Variants in ERBB4 observed in about 807,000 individuals in gnomAD.
ERBB4 encodes erb-b2 receptor tyrosine kinase 4.
In ERBB4, 42 loss-of-function variants were observed where a neutral mutation model predicts 158.0. The ratio of observed to expected loss-of-function variants is 0.27; its 90% CI spans 0.21 to 0.34. The LOEUF is 0.34. ERBB4 is among the 10% of genes least tolerant of loss of function. The probability of loss-of-function intolerance (pLI) is 1.00; values close to 1 mark genes in which losing one functional copy is unlikely to be tolerated. For synonymous variants in ERBB4, 583 were observed against 558.7 expected (o/e 1.04, Z -0.61); for missense variants, 1,333 against 1,624.1 (o/e 0.82, Z 3.08).
At chr2:212,137,482 C>T (rs1042208098) in intron 1 of ERBB4, among the ~76,000 whole-genome samples, 2 of 152,142 alleles carry the variant, frequency 1.3e-5, no homozygotes, top group African/African-American at 4.8e-5. Flanking sequence ...CCAGCTTCAT[C>T]CATGTCTCTG....
chr2:211,663,766 A>T (rs1046556086), intron 15 of ERBB4, among the ~76,000 whole-genome samples: 7 of 152,210 alleles, frequency 4.6e-5, no homozygotes, highest in Admixed American at 2.0e-4. Context: ...GTTGACATCA[A>T]CATTATATTG....
intron 3 of ERBB4, among the ~76,000 whole-genome samples, chr2:211,932,933 A>T (rs2080215922): frequency 6.6e-6 from 1 of 152,072 alleles, no homozygotes; most frequent in Non-Finnish European, 1.5e-5. Flanking sequence ...CAAAAGTAAC[A>T]GAAGTCACTG....
At chr2:211,548,408 G>A (rs1258305344) in intron 20 of ERBB4, among the ~76,000 whole-genome samples, 1 of 151,084 alleles carries the variant, frequency 6.6e-6, no homozygotes, top group Non-Finnish European at 1.5e-5. Context: ...AAGTAAGCTA[G>A]CCAATTCAAA....
chr2:212,175,016 T>C (rs2081619158), intron 1 of ERBB4, among the ~76,000 whole-genome samples: 1 of 152,094 alleles, frequency 6.6e-6, no homozygotes, highest in Non-Finnish European at 1.5e-5. Flanking sequence ...TTTGCCTATA[T>C]GGCTTTTCCT....
At chr2:211,551,618 T>C (rs1210904678) in intron 20 of ERBB4, among the ~76,000 whole-genome samples, 2 of 152,200 alleles carry the variant, frequency 1.3e-5, no homozygotes, top group Admixed American at 6.5e-5. Flanking sequence ...TTTTCTATGA[T>C]GTTAGTAGGG....
At chr2:212,085,012 G>A (rs1048354376) in intron 2 of ERBB4, among the ~76,000 whole-genome samples, 1 of 151,812 alleles carries the variant, frequency 6.6e-6, no homozygotes, top group Non-Finnish European at 1.5e-5. Flanking sequence ...TGCTGTGCAG[G>A]TCAGTAGATT....
intron 1 of ERBB4, among the ~76,000 whole-genome samples, chr2:212,216,153 T>C (rs1482400119): frequency 6.6e-6 from 1 of 151,378 alleles, no homozygotes; most frequent in African/African-American, 2.4e-5. Flanking sequence ...TCGATAGATA[T>C]AGCAATGAGC....
intron 1 of ERBB4, among the ~76,000 whole-genome samples, chr2:212,385,835 A>G (rs1375282922): frequency 6.6e-6 from 1 of 151,930 alleles, no homozygotes; most frequent in Non-Finnish European, 1.5e-5. Flanking sequence ...TTATATATTG[A>G]ACATTTTTAT....
intron 1 of ERBB4, among the ~76,000 whole-genome samples, chr2:212,379,799 C>CTG (rs1491229684): frequency 6.0e-5 from 9 of 150,378 alleles, no homozygotes; most frequent in African/African-American, 9.7e-5. Context: ...TCTCTCTCTC[C>CTG]TCTGTGTGTG....
chr2:212,443,523 G>A (rs900016568), intron 1 of ERBB4, among the ~76,000 whole-genome samples: 1 of 152,176 alleles, frequency 6.6e-6, no homozygotes, highest in Non-Finnish European at 1.5e-5. Context: ...CACCTGGTAG[G>A]CCTATATGGA....
At chr2:211,855,079 C>G (rs199532836) in intron 3 of ERBB4, among the ~76,000 whole-genome samples, 1 of 94,072 alleles carries the variant, frequency 1.1e-5, no homozygotes, top group African/African-American at 3.9e-5. Context: ...CTTTAATTTG[C>G]TTTTTTTTCT....
chr2:212,055,499 C>G (rs1396384983), intron 2 of ERBB4, among the ~76,000 whole-genome samples: 1 of 152,228 alleles, frequency 6.6e-6, no homozygotes, highest in Non-Finnish European at 1.5e-5. Flanking sequence ...GTACCTGACC[C>G]CCGAGTAGCC....
intron 3 of ERBB4, among the ~76,000 whole-genome samples, chr2:211,941,309 A>G (rs1349102802): frequency 6.6e-6 from 1 of 150,854 alleles, no homozygotes; most frequent in African/African-American, 2.4e-5. Flanking sequence ...TAGATCTTCT[A>G]ATGTAAATGT....
intron 11 of ERBB4, among the ~76,000 whole-genome samples, chr2:211,702,889 C>G (rs1379525704): frequency 6.6e-6 from 1 of 152,004 alleles, no homozygotes; most frequent in Non-Finnish European, 1.5e-5. Flanking sequence ...ATCGAGGAAA[C>G]TACTTTTATT....
intron 3 of ERBB4, among the ~76,000 whole-genome samples, chr2:211,884,919 C>G (rs988605795): frequency 2.0e-5 from 3 of 152,060 alleles, no homozygotes; most frequent in Admixed American, 1.3e-4. Context: ...TAGTATTACT[C>G]TATTCTCTTT....
chr2:212,445,601 G>A (rs1292741186), intron 1 of ERBB4, among the ~76,000 whole-genome samples: 2 of 152,182 alleles, frequency 1.3e-5, no homozygotes, highest in Non-Finnish European at 1.5e-5. Flanking sequence ...CCATAATGGA[G>A]GTAAGGAAGC....
At chr2:211,990,339 T>C (rs2082039601) in intron 2 of ERBB4, among the ~76,000 whole-genome samples, 1 of 151,948 alleles carries the variant, frequency 6.6e-6, no homozygotes. Context: ...TGTACTTGTG[T>C]ATATTGTAGG....
chr2:212,159,684 A>G (rs909433044), intron 1 of ERBB4, among the ~76,000 whole-genome samples: 1 of 151,934 alleles, frequency 6.6e-6, no homozygotes, highest in Non-Finnish European at 1.5e-5. Flanking sequence ...AATTAAAAAA[A>G]AGACCACACT....
chr2:211,854,061 T>A (rs2077788565), intron 3 of ERBB4, among the ~76,000 whole-genome samples: 1 of 152,142 alleles, frequency 6.6e-6, no homozygotes, highest in Non-Finnish European at 1.5e-5. Flanking sequence ...AAAGGAACAA[T>A]GTTACGGTGT....
Sources: gnomAD v4.1 joint callset for allele counts (sites outside exome capture counted in the v4.1 genomes callset) on GRCh38, gnomAD v4.1.1 for gene constraint, MANE v1.5 for transcripts, NCBI Gene and HGNC (gene_info 2026-07-23, HGNC 2026-07-21) for gene names.